The following BTG4 variants were observed in gnomAD, a reference collection of about 807,000 sequenced individuals.
BTG4 encodes the protein BTG anti-proliferation factor 4.
A neutral mutation model predicts 19.3 loss-of-function variants in BTG4; 10 were observed. That is an observed-to-expected ratio of 0.52 (90% confidence interval 0.32 to 0.88). The LOEUF (loss-of-function observed/expected upper bound fraction) is 0.88. Among genes scored for constraint, BTG4 ranks in the 40% least tolerant of loss-of-function variants. The pLI, the probability that BTG4 is intolerant of heterozygous loss-of-function variation, is 0.04. For synonymous variants in BTG4, 91 were observed against 95.7 expected (o/e 0.95, Z 0.29); for missense variants, 238 against 281.9 (o/e 0.84, Z 1.11).
chr11:111,490,509 C>T (rs1182809004), downstream of BTG4, among the ~76,000 whole-genome samples: 2 of 152,094 alleles, frequency 1.3e-5, no homozygotes, highest in African/African-American at 2.4e-5. Flanking sequence ...TAGTTTCAGG[C>T]CACACATCTG....
At chr11:111,481,960 A>C (rs1231411061) in intron 5 of BTG4, among the ~76,000 whole-genome samples, 1 of 151,992 alleles carries the variant, frequency 6.6e-6, no homozygotes, top group Non-Finnish European at 1.5e-5. Flanking sequence ...TAGAGCCAAA[A>C]GTTACACCCA....
At chr11:111,506,491 G>A (rs944606164) in intron 1 of BTG4, among the ~76,000 whole-genome samples, 3 of 152,038 alleles carry the variant, frequency 2.0e-5, no homozygotes, top group Non-Finnish European at 4.4e-5. Context: ...GGTGGGTGGG[G>A]AGGGTTGAAA....
At chr11:111,512,911 TC>T, upstream of BTG4, 1 of 443,570 alleles carries the variant, frequency 2.3e-6, no homozygotes, top group Non-Finnish European at 4.6e-6. Context: ...CTGCGGACCG[TC>T]CGGGAGCTGC....
chr11:111,421,274 T>C, the BTG4 span, among the ~76,000 whole-genome samples: 1 of 152,298 alleles, frequency 6.6e-6, no homozygotes, highest in East Asian at 1.9e-4. Flanking sequence ...GATGGCATAA[T>C]TAGCTATGCT....
At chr11:111,403,331 G>A in the BTG4 span, among the ~76,000 whole-genome samples, 3 of 152,126 alleles carry the variant, frequency 2.0e-5, no homozygotes, top group African/African-American at 2.4e-5. Flanking sequence ...GTTTTCCTCC[G>A]GGCACTGCGT....
chr11:111,510,781 T>C (rs1478553131), intron 1 of BTG4, among the ~76,000 whole-genome samples: 1 of 152,252 alleles, frequency 6.6e-6, no homozygotes, highest in Non-Finnish European at 1.5e-5. Context: ...ATGAGTTTTA[T>C]TTTTTATTAC....
the BTG4 span, among the ~76,000 whole-genome samples, chr11:111,438,754 C>T: frequency 9.9e-5 from 15 of 152,186 alleles, no homozygotes; most frequent in Non-Finnish European, 1.9e-4. Context: ...TCCTTGGTGA[C>T]CCCATACATT....
At chr11:111,384,242 A>G in the BTG4 span, among the ~76,000 whole-genome samples, 5 of 152,068 alleles carry the variant, frequency 3.3e-5, no homozygotes, top group Admixed American at 6.5e-5. Flanking sequence ...GGCCAGTACT[A>G]TGACAAGTAA....
chr11:111,460,581 C>G, the BTG4 span, among the ~76,000 whole-genome samples: 1 of 152,012 alleles, frequency 6.6e-6, no homozygotes, highest in Non-Finnish European at 1.5e-5. Flanking sequence ...TCAACACACA[C>G]AGGAGAGCTC....
chr11:111,436,168 G>A, the BTG4 span, among the ~76,000 whole-genome samples: 2 of 152,118 alleles, frequency 1.3e-5, no homozygotes, highest in African/African-American at 4.8e-5. Flanking sequence ...GCTAAGTCAG[G>A]TCTTGAGCCC....
chr11:111,455,282 G>A, the BTG4 span: 1 of 338,926 alleles, frequency 3.0e-6, no homozygotes, highest in Non-Finnish European at 5.9e-6. Context: ...TGCCTGTCCA[G>A]AATAACTCTG....
At chr11:111,456,606 C>T in the BTG4 span, 1 of 453,140 alleles carries the variant, frequency 2.2e-6, no homozygotes, top group Non-Finnish European at 4.5e-6. The surrounding 1 kb of genome is among the most constrained non-coding windows in gnomAD (Gnocchi z 4.2). Flanking sequence ...TGCTTCCAGC[C>T]AGCGGCCACG....
the BTG4 span, chr11:111,404,493 G>C: frequency 2.3e-6 from 1 of 437,622 alleles, no homozygotes; most frequent in East Asian, 7.0e-5. Context: ...CCCTAGAGAG[G>C]TGAAGCACAC....
Position 111,498,515 on chromosome 11 carries a change from T to A in BTG4, c.173+89A>T, listed in dbSNP as rs1865874912. 6 of 1,193,242 alleles carry A rather than the reference T, an allele frequency of 5.0e-6. No homozygotes were observed. The Admixed American group carries it at 1.4e-4, about 27-fold the overall frequency. The allele number at this position is 1,193,242 out of a possible 1,614,324, so 73.9% of individuals were successfully genotyped here. A position where few individuals can be genotyped will look rare whatever the true frequency, so the allele number is the denominator to read the frequency against. ...GCCCATAAAACTTTTGTTACTTATA[T>A]GCAGAAAACAAGATCACTCCATTTT... is the stretch of plus-strand genomic sequence containing the variant. On this transcript the variant is annotated intron_variant, in intron 2 of 4. Transcript: ENST00000692032.
upstream of BTG4, chr11:111,513,307 T>C (rs1454070296): frequency 2.1e-6 from 1 of 479,900 alleles, no homozygotes; most frequent in East Asian, 6.1e-5. Flanking sequence ...TGTGATTCAC[T>C]GTGTCTATTT....
At chr11:111,443,144 C>G in the BTG4 span, among the ~76,000 whole-genome samples, 7 of 152,312 alleles carry the variant, frequency 4.6e-5, no homozygotes, top group East Asian at 5.8e-4. Flanking sequence ...AAACCCACAC[C>G]TCCAGTCCAA....
chr11:111,392,305 G>A, the BTG4 span, among the ~76,000 whole-genome samples: 1 of 145,466 alleles, frequency 6.9e-6, no homozygotes, highest in Admixed American at 7.2e-5. Context: ...AGCCTCCCAA[G>A]TAGCTGGGAC....
the BTG4 span, among the ~76,000 whole-genome samples, chr11:111,443,421 C>G: frequency 6.6e-6 from 1 of 152,058 alleles, no homozygotes; most frequent in Non-Finnish European, 1.5e-5. Flanking sequence ...ACAAATGTAC[C>G]ATATTAATGT....
chr11:111,401,844 T>A, the BTG4 span, among the ~76,000 whole-genome samples: 2 of 152,226 alleles, frequency 1.3e-5, no homozygotes, highest in Non-Finnish European at 2.9e-5. Context: ...GAGTAGGCTC[T>A]CAGAAAGTAT....
Sources: allele counts gnomAD v4.1 joint callset (sites outside exome capture counted in the v4.1 genomes callset), GRCh38; gene constraint gnomAD v4.1.1; non-coding constraint Gnocchi (gnomAD v3.1); transcripts MANE v1.5; gene names NCBI Gene and HGNC (gene_info 2026-07-23, HGNC 2026-07-21).